The following MAP3K13 variants were observed in gnomAD, a reference collection of about 807,000 sequenced individuals.
MAP3K13 encodes the protein mitogen-activated protein kinase kinase kinase 13, also known as leucine zipper-bearing kinase.
MAP3K13 carries 52 observed loss-of-function variants against 104.0 expected under a neutral mutation model. The ratio of observed to expected loss-of-function variants is 0.50; its 90% CI spans 0.40 to 0.63. The LOEUF (loss-of-function observed/expected upper bound fraction) is 0.63, where lower values mean the gene tolerates loss of function less well. MAP3K13 is among the 20% of genes least tolerant of loss of function. MAP3K13 has a pLI of 0.00. For missense variants in MAP3K13, 914 were observed against 1,218.5 expected, an observed-to-expected ratio of 0.75 and a Z score of 3.72; for synonymous variants, 394 against 442.2, an observed-to-expected ratio of 0.89 and a Z score of 1.37.
chr3:185,428,051 C>G (rs1215931157), intron 1 of MAP3K13, among the ~76,000 whole-genome samples: 9 of 150,878 alleles, frequency 6.0e-5, no homozygotes, highest in Non-Finnish European at 1.3e-4. Context: ...TGCACTCCAG[C>G]CTGGGCAACA....
rs1718834250 is a variant in MAP3K13 at position 185,488,620 on chromosome 3, T to C, written c.*6164T>C. ...CACTGTAAGGAAGCTCCCGGCAGCATCCCAGGTCTGCTCTCCAGAGCCACT... is the reference window on the plus strand; with the variant it reads ...CACTGTAAGGAAGCTCCCGGCAGCACCCCAGGTCTGCTCTCCAGAGCCACT... On this transcript the variant is annotated 3_prime_UTR_variant, in exon 14 of 14. Coordinates refer to ENST00000265026, the MANE Select transcript of MAP3K13 (RefSeq NM_004721.5). The C allele has an allele frequency of 6.6e-6, 1 of 152,306 alleles. No homozygotes were observed. 9.4% of individuals were successfully genotyped at this position (152,306 alleles called of 1,614,324 possible). A position where few individuals can be genotyped will look rare whatever the true frequency, so the allele number is the denominator to read the frequency against.
intron 1 of MAP3K13, among the ~76,000 whole-genome samples, chr3:185,380,341 T>A (rs1226398611): frequency 1.3e-5 from 2 of 151,212 alleles, no homozygotes; most frequent in African/African-American, 4.9e-5. Context: ...TGAAACCCCA[T>A]CTCTACTAAA....
At chr3:185,441,546 A>G (rs1269719084) in intron 3 of MAP3K13, among the ~76,000 whole-genome samples, 1 of 152,208 alleles carries the variant, frequency 6.6e-6, no homozygotes, top group East Asian at 1.9e-4. Context: ...GGATTGGAAT[A>G]ATTGGAAAAG....
At chr3:185,471,306 CTTT>C (rs748807847) in intron 10 of MAP3K13, among the ~76,000 whole-genome samples, 2 of 83,418 alleles carry the variant, frequency 2.4e-5, no homozygotes, top group African/African-American at 4.5e-5. Flanking sequence ...ATGACCTTTG[CTTT>C]TTTTTTTTTT....
intron 1 of MAP3K13, among the ~76,000 whole-genome samples, chr3:185,376,315 A>C (rs1345330276): frequency 6.6e-6 from 1 of 152,170 alleles, no homozygotes; most frequent in South Asian, 2.1e-4. Context: ...GGAAGAAAAT[A>C]GATTTTGGAA....
chr3:185,369,068 T>C (rs181357815), intron 1 of MAP3K13, among the ~76,000 whole-genome samples: 1 of 152,070 alleles, frequency 6.6e-6, no homozygotes, highest in East Asian at 1.9e-4. Flanking sequence ...GTTCTAAGTA[T>C]TAGGTACGCA....
At chr3:185,359,992 T>G (rs1235761329), upstream of MAP3K13, among the ~76,000 whole-genome samples, 1 of 152,058 alleles carries the variant, frequency 6.6e-6, no homozygotes, top group Non-Finnish European at 1.5e-5. Context: ...AGCAGAATTA[T>G]TGTACCTTAA....
rs762897599 is a variant in MAP3K13 at position 185,473,206 on chromosome 3, A to G, written c.1875A>G (p.Gln625=). The G allele has an allele frequency of 6.2e-7, 1 of 1,614,118 alleles. No individual in the cohort carries two copies. Among genetic ancestry groups the G allele is most frequent in the Non-Finnish European group, 8.5e-7 (1 of 1,180,022 alleles). Residue 625 remains glutamine, a synonymous_variant, in exon 11 of 14, where the codon CAA becomes CAG. Transcript: ENST00000265026. This position sits in a 1 kb window ranked among gnomAD's most constrained non-coding sequence, Gnocchi z 4.9. ...SPHPTYLHQA[Q]SQYPSLHHHN... ...ATCCCACTTACCTGCACCAAGCTCAATCCCAATACCCTTCTCTTCATCACC... is the reference window on the plus strand; with the variant it reads ...ATCCCACTTACCTGCACCAAGCTCAGTCCCAATACCCTTCTCTTCATCACC...
chr3:185,307,561 G>A (rs1200807333), intron 2 of MAP3K13, among the ~76,000 whole-genome samples: 3 of 6,576 alleles, frequency 4.6e-4, no homozygotes, highest in Admixed American at 2.8e-3. Flanking sequence ...CCGCCACCCC[G>A]AGATGCAGTC....
chr3:185,304,521 A>G lies in MAP3K13; in HGVS notation c.-86+18878A>G, dbSNP rs1282413395. On this transcript the variant is annotated intron_variant, in intron 2 of 14. Transcript: ENST00000424227. ...CTGTTACAAATATAAATACATATTTATAATTGCTATTTCTTCCTAGTGAAT... is the reference window on the plus strand; with the variant it reads ...CTGTTACAAATATAAATACATATTTGTAATTGCTATTTCTTCCTAGTGAAT... Among the ~76,000 whole-genome samples the G allele has an allele frequency of 2.0e-5, 3 of 152,304 alleles. No individual in the cohort carries two copies. In the East Asian group the frequency reaches 5.8e-4, roughly 29 times the overall value.
chr3:185,463,282 T>C (rs753742719), intron 7 of MAP3K13, among the ~76,000 whole-genome samples: 1 of 152,240 alleles, frequency 6.6e-6, no homozygotes, highest in African/African-American at 2.4e-5. Flanking sequence ...ATGCCGGCTG[T>C]GATGTTCCTC....
chr3:185,363,846 T>A (rs1723749656), intron 1 of MAP3K13, among the ~76,000 whole-genome samples: 2 of 152,252 alleles, frequency 1.3e-5, no homozygotes, highest in Non-Finnish European at 2.9e-5. Flanking sequence ...TAACAGTCAG[T>A]ATCTTGCGAT....
intron 12 of MAP3K13, among the ~76,000 whole-genome samples, chr3:185,478,560 T>G (rs1718261967): frequency 6.6e-6 from 1 of 152,160 alleles, no homozygotes; most frequent in Admixed American, 6.5e-5. Context: ...TCACCTGTCC[T>G]GGGCATCAGC....
Position 185,379,380 on chromosome 3 carries a change from T to G in MAP3K13, c.-86+16012T>G, listed in dbSNP as rs894834379. Among the ~76,000 whole-genome samples, 13 of 152,228 alleles carry G rather than the reference T, an allele frequency of 8.5e-5. 1 individual carries two copies. Among genetic ancestry groups the G allele is most frequent in the African/African-American group, 2.4e-4 (10 of 41,544 alleles). On this transcript the variant is annotated intron_variant, in intron 1 of 13. Coordinates refer to ENST00000265026, the MANE Select transcript of MAP3K13 (RefSeq NM_004721.5). ...TTAAGAGAAGGGAGAGATTGAAGGA[T>G]GGCTCCAAGATTGAAAGGAGAAAGA...
chr3:185,313,313 A>G lies in MAP3K13; in HGVS notation c.-86+27670A>G, dbSNP rs189474701. Among the ~76,000 whole-genome samples the G allele has an allele frequency of 5.4e-3, 767 of 143,208 alleles. 13 individuals carry two copies. Among genetic ancestry groups the G allele is most frequent in the African/African-American group, 0.019 (739 of 38,468 alleles). 94.0% of individuals were successfully genotyped at this position (143,208 alleles called of 152,430 possible). The stretch of plus-strand genomic sequence containing the variant: ...GAAATGGAGTCGCACTCTTTCATCC[A>G]GGCTGGAGTGCAGTGGCGTGATCTC... On this transcript the variant is annotated intron_variant, in intron 2 of 14. Transcript: ENST00000424227.
intron 5 of MAP3K13, among the ~76,000 whole-genome samples, chr3:185,448,908 C>T (rs946346440): frequency 1.3e-5 from 2 of 152,174 alleles, no homozygotes; most frequent in African/African-American, 4.8e-5. Flanking sequence ...GATTTTTACT[C>T]ATAATTTATC....
chr3:185,416,217 T>G (rs1305094734), intron 1 of MAP3K13, among the ~76,000 whole-genome samples: 2 of 152,124 alleles, frequency 1.3e-5, no homozygotes, highest in Non-Finnish European at 2.9e-5. Flanking sequence ...TCTTCTTAGC[T>G]CTCTTTTCTC....
chr3:185,301,584 G>C (rs1424006338), intron 2 of MAP3K13, among the ~76,000 whole-genome samples: 1 of 152,152 alleles, frequency 6.6e-6, no homozygotes, highest in Non-Finnish European at 1.5e-5. Context: ...GAGTGTTATA[G>C]TTTCAGGTCT....
chr3:185,353,532 A>G (rs952254360), intron 2 of MAP3K13, among the ~76,000 whole-genome samples: 1 of 152,194 alleles, frequency 6.6e-6, no homozygotes, highest in Non-Finnish European at 1.5e-5. Flanking sequence ...ATATACAGAA[A>G]AATCTTTAGG....
Sources: gnomAD v4.1 joint callset for allele counts (sites outside exome capture counted in the v4.1 genomes callset) on GRCh38, gnomAD v4.1.1 for gene constraint, Gnocchi (gnomAD v3.1) non-coding constraint, MANE v1.5 for transcripts, NCBI Gene and HGNC (gene_info 2026-07-23, HGNC 2026-07-21) for gene names.